The following CSMD1 variants were observed in gnomAD, a reference collection of about 807,000 sequenced individuals.
The protein encoded by CSMD1 is CUB and sushi domain-containing protein 1.
CSMD1 carries 213 observed loss-of-function variants against 417.5 expected under a neutral mutation model. That is an observed-to-expected ratio of 0.51 (90% CI 0.46 to 0.57). The LOEUF is 0.57. Among genes scored for constraint, CSMD1 ranks in the 20% least tolerant of loss-of-function variants. The pLI is 0.00. For missense variants in CSMD1, 6,923 were observed against 4,529.7 expected (o/e 1.53, Z -15.17); for synonymous variants, 2,862 against 1,736.8 (o/e 1.65, Z -16.11).
intron 3 of CSMD1, among the ~76,000 whole-genome samples, chr8:4,299,169 A>G (rs1032144907): frequency 1.3e-5 from 2 of 152,216 alleles, no homozygotes; most frequent in Non-Finnish European, 2.9e-5. Context: ...CAAAAAAGAA[A>G]CGTTGTAAGA....
chr8:2,956,260 AC>A (rs1803001445), intron 63 of CSMD1, among the ~76,000 whole-genome samples: 2 of 152,030 alleles, frequency 1.3e-5, no homozygotes, highest in Admixed American at 6.6e-5. Flanking sequence ...TTTTGATAAA[AC>A]TTTAATGTGT....
chr8:4,395,186 G>C (rs1804117234), intron 3 of CSMD1, among the ~76,000 whole-genome samples: 1 of 152,114 alleles, frequency 6.6e-6, no homozygotes, highest in Non-Finnish European at 1.5e-5. Context: ...TCCTCTTTTA[G>C]CCAGAGATGA....
Position 3,107,769 on chromosome 8 carries a change from G to C in CSMD1, c.6784C>G (p.Pro2262Ala), listed in dbSNP as rs1816244248. The C allele has an allele frequency of 1.9e-6, 3 of 1,586,728 alleles. No individual in the cohort carries two copies. The highest frequency in any genetic ancestry group is 1.2e-5 in the South Asian group (1 of 86,058). Residue 2262 changes from proline to alanine, a missense_variant, in exon 45 of 70, where the codon CCA becomes GCA. Pro to Ala is a conservative substitution (Grantham distance 27). Transcript: ENST00000635120. ...AFQLKKCQPP[P>A]AVPQAEMLTE... is the part of the protein sequence containing the mutation. ...AGCATTTCTGCCTGTGGAACCGCTG[G>C]GGGAGGTTGACATTTCTTGAGCTGA...
chr8:4,099,720 T>C (rs145073623), intron 3 of CSMD1, among the ~76,000 whole-genome samples: 49 of 152,296 alleles, frequency 3.2e-4, no homozygotes, highest in African/African-American at 1.2e-3. Flanking sequence ...GGGACTTTAC[T>C]TGCTTTCTCC....
At chr8:4,949,742 T>C (rs1808611412) in intron 1 of CSMD1, among the ~76,000 whole-genome samples, 1 of 152,210 alleles carries the variant, frequency 6.6e-6, no homozygotes, top group Non-Finnish European at 1.5e-5. Context: ...AATGTATTAA[T>C]TTTATCTTTT....
At chr8:4,034,064 T>A (rs1282308581) in intron 3 of CSMD1, among the ~76,000 whole-genome samples, 2 of 152,238 alleles carry the variant, frequency 1.3e-5, no homozygotes, top group African/African-American at 4.8e-5. Context: ...CTGTATCCAT[T>A]GTCTTTGCAT....
chr8:4,251,093 C>G (rs756565875), intron 3 of CSMD1, among the ~76,000 whole-genome samples: 3 of 152,120 alleles, frequency 2.0e-5, no homozygotes, highest in African/African-American at 7.2e-5. Flanking sequence ...CACATTTTCC[C>G]TGCCAAATTT....
intron 3 of CSMD1, among the ~76,000 whole-genome samples, chr8:4,104,831 G>C (rs1044663485): frequency 3.9e-5 from 6 of 152,142 alleles, no homozygotes; most frequent in Non-Finnish European, 5.9e-5. Flanking sequence ...GTTTCCTTGA[G>C]ATCAAAGCCT....
intron 7 of CSMD1, among the ~76,000 whole-genome samples, chr8:3,650,249 G>A (rs1013620813): frequency 2.0e-5 from 3 of 151,706 alleles, no homozygotes; most frequent in African/African-American, 7.3e-5. Flanking sequence ...TTGCACTCCA[G>A]CCTGGGTGAC....
In CSMD1 at chr8:4,225,371, T is replaced by C. The variant is rs989636168; in HGVS notation, c.416-193272A>G. Among the ~76,000 whole-genome samples, 16 of 152,306 alleles carry C rather than the reference T, an allele frequency of 1.1e-4. No homozygotes were observed. In the South Asian group the frequency reaches 2.7e-3, roughly 26 times the overall value. ...TAAAATATGTAATTAACAATATACA[T>C]CGTGTTTCTCATGAATTTCTAGTTC... On this transcript the variant is annotated intron_variant, in intron 3 of 69. Transcript: ENST00000635120.
rs77454730 is a variant in CSMD1 at position 3,603,464 on chromosome 8, C to A, written c.1097+13246G>T. On this transcript the variant is annotated intron_variant, in intron 8 of 69. Transcript: ENST00000635120. The stretch of plus-strand genomic sequence containing the variant: ...GACAAACCTGGACTGAGCGCCCAAT[C>A]CCACTTTGTCCTCCTTCACCTTACT... Among the ~76,000 whole-genome samples, 2 of 152,256 alleles carry A rather than the reference C, an allele frequency of 1.3e-5. 1 individual carries two copies. Among genetic ancestry groups the A allele is most frequent in the Middle Eastern group, 6.8e-3 (2 of 294 alleles).
chr8:3,457,547 A>G (rs1816233412), intron 12 of CSMD1, among the ~76,000 whole-genome samples: 1 of 152,226 alleles, frequency 6.6e-6, no homozygotes, highest in Admixed American at 6.5e-5. Flanking sequence ...CCTGGCTTAG[A>G]GGCAAGAGGA....
chr8:4,790,439 C>A lies in CSMD1; in HGVS notation c.86-152881G>T, dbSNP rs113797538. On this transcript the variant is annotated intron_variant, in intron 1 of 69. Transcript: ENST00000635120. ...TTTACAGATTCAAAACTATTCCTTTCAAACTACCAATAACATTTTCCACAG... is the reference window on the plus strand; with the variant it reads ...TTTACAGATTCAAAACTATTCCTTTAAAACTACCAATAACATTTTCCACAG... Among the ~76,000 whole-genome samples, 497 of 152,242 alleles carry A rather than the reference C, an allele frequency of 3.3e-3. 9 individuals are homozygous for A. Among genetic ancestry groups the A allele is most frequent in the African/African-American group, 0.012 (480 of 41,524 alleles).
At chr8:4,649,539 G>A (rs561415720) in intron 1 of CSMD1, among the ~76,000 whole-genome samples, 1 of 152,130 alleles carries the variant, frequency 6.6e-6, no homozygotes, top group South Asian at 2.1e-4. Context: ...ATCCTATCCT[G>A]ACACAATTTA....
At chr8:3,802,717 ATTTAT>A (rs1269207049) in intron 5 of CSMD1, among the ~76,000 whole-genome samples, 1 of 152,186 alleles carries the variant, frequency 6.6e-6, no homozygotes, top group African/African-American at 2.4e-5. Flanking sequence ...GACAATTTTA[ATTTAT>A]TTTAATTAAA....
Position 3,142,539 on chromosome 8 carries a change from G to A in CSMD1, c.6167C>T (p.Thr2056Ile), listed in dbSNP as rs764440074. Reference sequence around the variant, plus strand: ...AAAGTGGATGAGGGTTTCATGCGTTGTGCTCAGCAGGGCCGCGGGGAGATC... The same window carrying A: ...AAAGTGGATGAGGGTTTCATGCGTTATGCTCAGCAGGGCCGCGGGGAGATC... ...GTDLPAALLS[T>I]THETLIHFYS... The change falls in exon 41 of 70, where the codon ACA becomes ATA. Residue 2056 changes from threonine to isoleucine, a missense_variant. Thr to Ile is a moderately conservative substitution (Grantham distance 89). Coordinates refer to ENST00000635120, the MANE Select transcript of CSMD1 (RefSeq NM_033225.6). 4 of 1,613,866 alleles carry A rather than the reference G, an allele frequency of 2.5e-6. 1 individual carries two copies. The East Asian group carries it at 8.9e-5, about 36-fold the overall frequency.
At chr8:4,697,035 G>A (rs1315975285) in intron 1 of CSMD1, among the ~76,000 whole-genome samples, 2 of 152,052 alleles carry the variant, frequency 1.3e-5, no homozygotes, top group Non-Finnish European at 2.9e-5. Flanking sequence ...ATCTGGGCGT[G>A]GTGGTGCGTG....
At chr8:4,743,269 G>T (rs1585030311) in intron 1 of CSMD1, among the ~76,000 whole-genome samples, 1 of 151,964 alleles carries the variant, frequency 6.6e-6, no homozygotes, top group African/African-American at 2.4e-5. Flanking sequence ...TTTGATGAAG[G>T]ACCAAATTCT....
At chr8:3,941,602 T>C (rs1429641960) in intron 5 of CSMD1, among the ~76,000 whole-genome samples, 1 of 152,152 alleles carries the variant, frequency 6.6e-6, no homozygotes, top group East Asian at 1.9e-4. Flanking sequence ...ATAATAAGCA[T>C]ATGGTAATTC....
Sources: allele counts gnomAD v4.1 joint callset (sites outside exome capture counted in the v4.1 genomes callset), GRCh38; gene constraint gnomAD v4.1.1; transcripts MANE v1.5; gene names NCBI Gene and HGNC (gene_info 2026-07-23, HGNC 2026-07-21).